RGS6: variants seen among roughly 807,000 people sequenced by gnomAD.
The protein encoded by RGS6 is regulator of G protein signaling 6.
A neutral mutation model predicts 78.5 loss-of-function variants in RGS6; 30 were observed. The observed-to-expected ratio is 0.38, with a 90% CI of 0.29 to 0.52. The LOEUF (loss-of-function observed/expected upper bound fraction) is 0.52, where lower values mean the gene tolerates loss of function less well. Among genes scored for constraint, RGS6 ranks in the 20% least tolerant of loss-of-function variants. RGS6 has a pLI of 0.85. For synonymous variants in RGS6, 206 were observed against 206.0 expected (o/e 1.00, Z 0.00); for missense variants, 495 against 609.7 (o/e 0.81, Z 1.98).
At chr14:72,450,428 T>A (rs2095465603) in intron 3 of RGS6, among the ~76,000 whole-genome samples, 1 of 152,172 alleles carries the variant, frequency 6.6e-6, no homozygotes, top group Admixed American at 6.5e-5. Context: ...TATCCTTAAA[T>A]ATACTAATAA....
At chr14:72,046,961 C>G (rs531882516) in intron 2 of RGS6, among the ~76,000 whole-genome samples, 2 of 152,194 alleles carry the variant, frequency 1.3e-5, no homozygotes, top group Non-Finnish European at 2.9e-5. Context: ...TTTACCTAGC[C>G]TTGTGACCCT....
intron 2 of RGS6, among the ~76,000 whole-genome samples, chr14:72,099,180 G>C (rs2095475964): frequency 6.6e-6 from 1 of 151,970 alleles, no homozygotes; most frequent in South Asian, 2.1e-4. Flanking sequence ...GTTGTTTTTT[G>C]AAATGGAGTC....
chr14:72,026,056 C>T (rs936628358), intron 2 of RGS6, among the ~76,000 whole-genome samples: 1 of 152,114 alleles, frequency 6.6e-6, no homozygotes, highest in African/African-American at 2.4e-5. Flanking sequence ...AAAGTTCCCT[C>T]AAACTTAGGA....
chr14:72,106,794 T>A (rs1040485709), intron 2 of RGS6, among the ~76,000 whole-genome samples: 2 of 152,120 alleles, frequency 1.3e-5, no homozygotes, highest in Non-Finnish European at 2.9e-5. Flanking sequence ...GAGTGGATTT[T>A]GCTGGTTGTG....
chr14:72,395,436 T>G (rs2090994475), intron 3 of RGS6, among the ~76,000 whole-genome samples: 2 of 152,152 alleles, frequency 1.3e-5, no homozygotes. Context: ...AAAAAATACA[T>G]ATTCAGATCC....
intron 3 of RGS6, among the ~76,000 whole-genome samples, chr14:72,409,109 C>T (rs1417002424): frequency 6.6e-6 from 1 of 152,184 alleles, no homozygotes; most frequent in African/African-American, 2.4e-5. Flanking sequence ...TGAGGGGTCC[C>T]TCTTGTTCAG....
At chr14:72,460,571 GGC>G (rs1490102496) in intron 6 of RGS6, among the ~76,000 whole-genome samples, 1 of 152,188 alleles carries the variant, frequency 6.6e-6, no homozygotes, top group Non-Finnish European at 1.5e-5. Context: ...AGATCTGAGT[GGC>G]TCCAAAACCC....
intron 14 of RGS6, among the ~76,000 whole-genome samples, chr14:72,512,541 C>T (rs972091685): frequency 6.6e-6 from 1 of 152,184 alleles, no homozygotes; most frequent in African/African-American, 2.4e-5. Context: ...AGCATGTGTT[C>T]ATGTGCCAGA....
chr14:71,977,580 T>C (rs548909509), intron 2 of RGS6, among the ~76,000 whole-genome samples: 45 of 150,448 alleles, frequency 3.0e-4, no homozygotes, highest in African/African-American at 8.3e-4. Context: ...TGTAGATATG[T>C]GGCATTATTT....
intron 12 of RGS6, among the ~76,000 whole-genome samples, chr14:72,479,712 T>C (rs1403525011): frequency 6.6e-6 from 1 of 152,226 alleles, no homozygotes; most frequent in Non-Finnish European, 1.5e-5. Context: ...GTGTGGCTTC[T>C]GGCCAGAGTA....
At chr14:72,441,295 G>A (rs888092789) in intron 3 of RGS6, among the ~76,000 whole-genome samples, 2 of 152,162 alleles carry the variant, frequency 1.3e-5, no homozygotes, top group Non-Finnish European at 2.9e-5. Context: ...GCAGGAACCA[G>A]AAAAAGTGTG....
At chr14:72,144,991 A>G (rs527702035) in intron 2 of RGS6, among the ~76,000 whole-genome samples, 1 of 152,190 alleles carries the variant, frequency 6.6e-6, no homozygotes, top group South Asian at 2.1e-4. Flanking sequence ...ATGATTGGTC[A>G]GGTTGGAGAT....
chr14:71,890,981 T>A, the RGS6 span, among the ~76,000 whole-genome samples: 4 of 151,888 alleles, frequency 2.6e-5, no homozygotes, highest in South Asian at 8.3e-4. Context: ...GATTCTAGAG[T>A]GAAGGGGTGA....
intron 2 of RGS6, among the ~76,000 whole-genome samples, chr14:72,248,020 A>G (rs1216547135): frequency 1.3e-5 from 2 of 152,244 alleles, no homozygotes; most frequent in African/African-American, 4.8e-5. Context: ...CTGAAGAACT[A>G]TTAAGCATTC....
At chr14:72,124,329 A>C (rs1471689634) in intron 2 of RGS6, among the ~76,000 whole-genome samples, 1 of 152,200 alleles carries the variant, frequency 6.6e-6, no homozygotes, top group Non-Finnish European at 1.5e-5. Flanking sequence ...TACAGTTCGC[A>C]GGAAACCACT....
chr14:72,253,501 G>A (rs1328873430), intron 2 of RGS6, among the ~76,000 whole-genome samples: 3 of 152,194 alleles, frequency 2.0e-5, no homozygotes, highest in Non-Finnish European at 2.9e-5. Flanking sequence ...TCAATTCTAT[G>A]GCAAAAGCAG....
At chr14:71,959,392 G>A (rs1165864302) in intron 1 of RGS6, among the ~76,000 whole-genome samples, 4 of 152,102 alleles carry the variant, frequency 2.6e-5, no homozygotes, top group Admixed American at 2.0e-4. Flanking sequence ...GATATAATAT[G>A]GAGGAGAGGA....
At chr14:72,545,216 T>C (rs912878657) in intron 17 of RGS6, among the ~76,000 whole-genome samples, 2 of 152,224 alleles carry the variant, frequency 1.3e-5, no homozygotes, top group African/African-American at 4.8e-5. Flanking sequence ...TCACAAACAT[T>C]AGTGCCAGCC....
intron 2 of RGS6, among the ~76,000 whole-genome samples, chr14:72,184,098 C>T (rs1336917658): frequency 6.6e-6 from 1 of 152,096 alleles, no homozygotes; most frequent in Non-Finnish European, 1.5e-5. Context: ...ATTGTCCCTA[C>T]ACCTTGCCTC....
Sources: allele counts gnomAD v4.1 joint callset (sites outside exome capture counted in the v4.1 genomes callset), GRCh38; gene constraint gnomAD v4.1.1; transcripts MANE v1.5; gene names NCBI Gene and HGNC (gene_info 2026-07-23, HGNC 2026-07-21).